Variants in PAK1 observed in about 807,000 individuals in gnomAD.
PAK1 encodes the protein p21 (RAC1) activated kinase 1.
A neutral mutation model predicts 67.4 loss-of-function variants in PAK1; 29 were observed. The observed-to-expected ratio is 0.43, with a 90% CI of 0.32 to 0.59. PAK1 has a LOEUF of 0.59. Ranked by LOEUF, PAK1 falls within the 20% of genes least tolerant of loss-of-function variation. The probability of loss-of-function intolerance (pLI) is 0.07; values close to 1 mark genes in which losing one functional copy is unlikely to be tolerated. For synonymous variants in PAK1, 223 were observed against 237.4 expected, an observed-to-expected ratio of 0.94 and a Z score of 0.56; for missense variants, 337 against 670.7, an observed-to-expected ratio of 0.50 and a Z score of 5.50.
intron 1 of PAK1, among the ~76,000 whole-genome samples, chr11:77,409,606 T>TA (rs553717703): frequency 8.2e-4 from 124 of 151,874 alleles, no homozygotes; most frequent in African/African-American, 2.8e-3. Context: ...TATTCAGCCA[T>TA]AAAAAAGAAT....
At chr11:77,416,631 C>A (rs1467352453) in intron 1 of PAK1, among the ~76,000 whole-genome samples, 1 of 152,090 alleles carries the variant, frequency 6.6e-6, no homozygotes, top group African/African-American at 2.4e-5. Flanking sequence ...GTAACAGAGT[C>A]ATTTATCATC....
At position 77,326,249 on chromosome 11, in the gene PAK1, A is replaced by AT. The variant is rs1939822160; in HGVS notation, c.1552-2890_1552-2889insA. On this transcript the variant is annotated intron_variant, in intron 14 of 14. Coordinates refer to ENST00000356341, the MANE Select transcript of PAK1 (RefSeq NM_002576.5). ...ATCAGGATTAGGCAGGCAGGAGTAT[A>AT]AAAGGCCTAGTAAACCCCTGACTCC... Among the ~76,000 whole-genome samples, 4 of 152,342 alleles carry AT rather than the reference A, an allele frequency of 2.6e-5. 1 individual carries two copies. In the South Asian group the frequency reaches 6.2e-4, roughly 24 times the overall value.
chr11:77,515,563 A>G, the PAK1 span, among the ~76,000 whole-genome samples: 4 of 152,074 alleles, frequency 2.6e-5, no homozygotes, highest in African/African-American at 9.7e-5. Context: ...CTACCTTCTC[A>G]TTCTCGGATT....
chr11:77,459,317 A>C (rs1382714145), intron 1 of PAK1, among the ~76,000 whole-genome samples: 19 of 152,230 alleles, frequency 1.2e-4, no homozygotes, highest in Non-Finnish European at 2.8e-4. Flanking sequence ...GGTTGCCACG[A>C]CACTAGTTAA....
chr11:77,482,549 T>G, the PAK1 span, among the ~76,000 whole-genome samples: 1 of 152,136 alleles, frequency 6.6e-6, no homozygotes, highest in African/African-American at 2.4e-5. Context: ...TTTAATTAGT[T>G]TTTGTGCATG....
chr11:77,497,317 A>C, the PAK1 span, among the ~76,000 whole-genome samples: 1 of 152,248 alleles, frequency 6.6e-6, no homozygotes. Context: ...ATCTGAAATA[A>C]TAATTTTTAC....
At chr11:77,434,743 C>T (rs1214999530) in intron 1 of PAK1, among the ~76,000 whole-genome samples, 3 of 152,124 alleles carry the variant, frequency 2.0e-5, no homozygotes, top group Admixed American at 6.5e-5. Flanking sequence ...CTCAGCCTCC[C>T]GAGTAGCTGG....
intron 1 of PAK1, among the ~76,000 whole-genome samples, chr11:77,396,256 T>C (rs1294489015): frequency 1.3e-5 from 2 of 152,242 alleles, no homozygotes; most frequent in East Asian, 3.8e-4. Flanking sequence ...TTTTACTACA[T>C]TCCAGCCTAG....
At chr11:77,518,071 A>G in the PAK1 span, among the ~76,000 whole-genome samples, 1 of 152,230 alleles carries the variant, frequency 6.6e-6, no homozygotes, top group Non-Finnish European at 1.5e-5. Flanking sequence ...GGCTTTTAAG[A>G]AAAACACCTT....
chr11:77,502,706 G>C, the PAK1 span, among the ~76,000 whole-genome samples: 1 of 152,142 alleles, frequency 6.6e-6, no homozygotes, highest in Non-Finnish European at 1.5e-5. Context: ...CCCTCAAGGA[G>C]CTATGAACTC....
chr11:77,374,568 A>G (rs1411166794), intron 4 of PAK1, among the ~76,000 whole-genome samples: 1 of 152,216 alleles, frequency 6.6e-6, no homozygotes, highest in Non-Finnish European at 1.5e-5. Context: ...GAGTACTATT[A>G]TTATATCTAC....
upstream of PAK1, among the ~76,000 whole-genome samples, chr11:77,478,496 G>A (rs1246986021): frequency 6.6e-6 from 1 of 152,142 alleles, no homozygotes; most frequent in East Asian, 1.9e-4. Context: ...GATCTGGCCT[G>A]GCACGGTGGC....
chr11:77,357,232 C>T (rs1946157266), intron 6 of PAK1, among the ~76,000 whole-genome samples: 1 of 152,122 alleles, frequency 6.6e-6, no homozygotes, highest in Non-Finnish European at 1.5e-5. Context: ...AGACTAAAGC[C>T]AACTACATCC....
chr11:77,418,983 T>A (rs1955115357), intron 1 of PAK1, among the ~76,000 whole-genome samples: 1 of 152,212 alleles, frequency 6.6e-6, no homozygotes, highest in African/African-American at 2.4e-5. Flanking sequence ...GCGGGAAGGA[T>A]CAAATTCAGA....
chr11:77,478,538 C>T (rs1179608521), upstream of PAK1, among the ~76,000 whole-genome samples: 1 of 151,880 alleles, frequency 6.6e-6, no homozygotes, highest in African/African-American at 2.4e-5. Flanking sequence ...TTTGGGAGGC[C>T]AAGGTGGGTG....
chr11:77,392,179 GCTTC>G, intron 2 of PAK1, 148 bp downstream of exon 2: 1 of 526,394 alleles, frequency 1.9e-6, no homozygotes, highest in Non-Finnish European at 3.2e-6. Flanking sequence ...TTTCCATTTT[GCTTC>G]AGCCACTGTA....
intron 13 of PAK1, among the ~76,000 whole-genome samples, chr11:77,335,744 T>C (rs926570992): frequency 2.0e-5 from 3 of 152,232 alleles, no homozygotes; most frequent in Admixed American, 2.0e-4. Flanking sequence ...AACTTCCCTC[T>C]CTACTCTAAA....
intron 13 of PAK1, among the ~76,000 whole-genome samples, chr11:77,334,955 T>C (rs1055154090): frequency 6.6e-6 from 1 of 152,198 alleles, no homozygotes; most frequent in Non-Finnish European, 1.5e-5. Context: ...ACCTCTACAT[T>C]GGCAAATCCA....
chr11:77,408,892 C>T (rs1466052920), intron 1 of PAK1, among the ~76,000 whole-genome samples: 5 of 152,090 alleles, frequency 3.3e-5, no homozygotes, highest in African/African-American at 4.8e-5. Context: ...AAATGCTCAA[C>T]ATCACTAACA....
Sources: allele counts gnomAD v4.1 joint callset (sites outside exome capture counted in the v4.1 genomes callset), GRCh38; gene constraint gnomAD v4.1.1; transcripts MANE v1.5; gene names NCBI Gene and HGNC (gene_info 2026-07-23, HGNC 2026-07-21).